The following CADM2 variants were observed in gnomAD, a reference collection of about 807,000 sequenced individuals.
CADM2 encodes cell adhesion molecule 2, also known as immunoglobulin superfamily member 4D.
CADM2 carries 12 observed loss-of-function variants against 49.8 expected under a neutral mutation model. The observed-to-expected ratio is 0.24, with a 90% CI of 0.15 to 0.39. The LOEUF is 0.39. Ranked by LOEUF, CADM2 falls within the 10% of genes least tolerant of loss-of-function variation. The pLI is 1.00. For synonymous variants in CADM2, 214 were observed against 175.4 expected, an observed-to-expected ratio of 1.22 and a Z score of -1.74; for missense variants, 378 against 492.3, an observed-to-expected ratio of 0.77 and a Z score of 2.20.
chr3:85,990,330 A>G (rs1038556221), intron 8 of CADM2, among the ~76,000 whole-genome samples: 1 of 152,170 alleles, frequency 6.6e-6, no homozygotes, highest in Non-Finnish European at 1.5e-5. Flanking sequence ...CTGTAGGCTA[A>G]TGTAAGTGTT....
At chr3:84,973,074 G>A (rs1415448507) in intron 1 of CADM2, among the ~76,000 whole-genome samples, 5 of 151,940 alleles carry the variant, frequency 3.3e-5, no homozygotes, top group Admixed American at 6.6e-5. Context: ...CCACCACGCC[G>A]GCTAAATTTT....
At chr3:85,374,358 C>T (rs942622269) in intron 1 of CADM2, among the ~76,000 whole-genome samples, 1 of 152,114 alleles carries the variant, frequency 6.6e-6, no homozygotes, top group African/African-American at 2.4e-5. Context: ...GTCACCTTTC[C>T]TGCAGTTCCC....
intron 2 of CADM2, among the ~76,000 whole-genome samples, chr3:85,762,603 C>CTT (rs1421975553): frequency 6.8e-5 from 8 of 116,914 alleles, no homozygotes; most frequent in Admixed American, 5.6e-4. Context: ...TCCTCTCTCT[C>CTT]TCTCTCTCTC....
intron 1 of CADM2, among the ~76,000 whole-genome samples, chr3:85,391,045 A>T (rs1397598192): frequency 6.6e-6 from 1 of 152,034 alleles, no homozygotes; most frequent in Non-Finnish European, 1.5e-5. Context: ...TGTACAGTTG[A>T]ACAAGGCTAG....
At chr3:85,575,482 C>T (rs1310992560) in intron 1 of CADM2, among the ~76,000 whole-genome samples, 1 of 152,086 alleles carries the variant, frequency 6.6e-6, no homozygotes, top group East Asian at 1.9e-4. Flanking sequence ...ACCCTGGAGG[C>T]GAAGCTTGCA....
rs145484504 is a variant in CADM2, at chr3:85,307,539, T to C, written c.61+347871T>C. ...AAACTCTAAGAATCCATTTTTACAA[T>C]AATTAAATAATTTCCAATGCTGCAA... On this transcript the variant is annotated intron_variant, in intron 1 of 9. Coordinates refer to ENST00000383699, the MANE Select transcript of CADM2 (RefSeq NM_001167675.2). Among the ~76,000 whole-genome samples the C allele has an allele frequency of 1.9e-3, 286 of 151,910 alleles. 1 individual carries two copies. Among genetic ancestry groups the C allele is most frequent in the African/African-American group, 6.3e-3 (263 of 41,548 alleles).
intron 8 of CADM2, among the ~76,000 whole-genome samples, chr3:86,023,218 A>T (rs973957173): frequency 3.3e-5 from 5 of 152,218 alleles, no homozygotes; most frequent in African/African-American, 1.2e-4. Flanking sequence ...TCCAATACGT[A>T]TAAACAAATG....
Position 85,377,567 on chromosome 3 carries a change from A to G in CADM2, c.62-348955A>G, listed in dbSNP as rs144672469. Among the ~76,000 whole-genome samples the G allele has an allele frequency of 5.3e-5, 8 of 152,202 alleles. No individual in the cohort carries two copies. In the East Asian group the frequency reaches 1.5e-3, roughly 29 times the overall value. The stretch of plus-strand genomic sequence containing the variant: ...GAAAACCATTAGTTTATCCATATTT[A>G]ATGTCAAAGTTGCCCAATGGAAACA... On this transcript the variant is annotated intron_variant, in intron 1 of 9. Transcript: ENST00000383699.
Position 84,959,527 on chromosome 3 carries a change from C to A in CADM2, c.-81C>A. 1 of 1,355,366 alleles carries A rather than the reference C, an allele frequency of 7.4e-7. No homozygotes were observed. Among genetic ancestry groups the A allele is most frequent in the Non-Finnish European group, 1.0e-6 (1 of 985,414 alleles). 84.0% of individuals were successfully genotyped at this position (1,355,366 alleles called of 1,614,324 possible). A position where few individuals can be genotyped will look rare whatever the true frequency, so the allele number is the denominator to read the frequency against. The stretch of plus-strand genomic sequence containing the variant: ...GCGGGCGCCGGGAGGAGGACACCAG[C>A]GGAGCCCTGCACTCTCGTGCCCCGC... On this transcript the variant is annotated 5_prime_UTR_variant, in exon 1 of 10. Coordinates refer to ENST00000383699, the MANE Select transcript of CADM2 (RefSeq NM_001167675.2).
At chr3:85,968,170 C>A (rs1326917419) in intron 8 of CADM2, among the ~76,000 whole-genome samples, 1 of 151,580 alleles carries the variant, frequency 6.6e-6, no homozygotes, top group Non-Finnish European at 1.5e-5. Context: ...AAAACAGTAT[C>A]TTCTTTAATC....
At chr3:86,003,944 A>T (rs1041457425) in intron 8 of CADM2, among the ~76,000 whole-genome samples, 4 of 152,230 alleles carry the variant, frequency 2.6e-5, no homozygotes, top group Admixed American at 2.6e-4. Flanking sequence ...ATATCACAAT[A>T]GGACTTTTTT....
intron 1 of CADM2, among the ~76,000 whole-genome samples, chr3:85,564,108 A>G (rs12108027): frequency 0.015 from 2,327 of 152,128 alleles, 61 homozygotes; most frequent in African/African-American, 0.053. Context: ...TGGTTCTAAA[A>G]ATTTAGTCTT....
intron 1 of CADM2, among the ~76,000 whole-genome samples, chr3:85,485,654 C>T (rs1238100124): frequency 1.3e-5 from 2 of 151,964 alleles, no homozygotes; most frequent in Admixed American, 6.6e-5. Flanking sequence ...ACACTCTTGT[C>T]GACATAATTA....
rs140334675 is a variant in CADM2 at position 85,031,789 on chromosome 3, G to C, written c.61+72121G>C. ...CCCGCCTTGGCCTCCCAGAGTGCCG[G>C]GATTACAGACGTGAGCCACCACGCC... is the stretch of plus-strand genomic sequence containing the variant. On this transcript the variant is annotated intron_variant, in intron 1 of 9. Transcript: ENST00000383699. Among the ~76,000 whole-genome samples, 510 of 152,198 alleles carry C rather than the reference G, an allele frequency of 3.4e-3. 6 individuals carry two copies. Among genetic ancestry groups the C allele is most frequent in the African/African-American group, 0.012 (480 of 41,538 alleles).
chr3:85,777,225 T>A (rs1179498168), intron 2 of CADM2, among the ~76,000 whole-genome samples: 1 of 139,944 alleles, frequency 7.1e-6, no homozygotes, highest in Non-Finnish European at 1.6e-5. Flanking sequence ...ACAGAAAACA[T>A]TTGCTATGGT....
chr3:85,668,722 T>C (rs987293650), intron 1 of CADM2, among the ~76,000 whole-genome samples: 1 of 152,128 alleles, frequency 6.6e-6, no homozygotes, highest in Non-Finnish European at 1.5e-5. Flanking sequence ...TGTAAGTCCA[T>C]TAAACCTCTT....
intron 8 of CADM2, among the ~76,000 whole-genome samples, chr3:86,048,875 A>G (rs1231408019): frequency 1.3e-5 from 2 of 152,212 alleles, no homozygotes; most frequent in Admixed American, 6.5e-5. Flanking sequence ...ATAAGTGATC[A>G]ACAAAGGCAA....
At chr3:85,693,314 C>T (rs944661970) in intron 1 of CADM2, among the ~76,000 whole-genome samples, 1 of 151,968 alleles carries the variant, frequency 6.6e-6, no homozygotes, top group African/African-American at 2.4e-5. Context: ...GGCGTGGTGG[C>T]TCACGCCTGT....
At chr3:85,970,403 C>G (rs1350423968) in intron 8 of CADM2, among the ~76,000 whole-genome samples, 1 of 151,380 alleles carries the variant, frequency 6.6e-6, no homozygotes. Context: ...GATGCTTATT[C>G]ACAATTATTC....
Sources: allele counts gnomAD v4.1 joint callset (sites outside exome capture counted in the v4.1 genomes callset), GRCh38; gene constraint gnomAD v4.1.1; transcripts MANE v1.5; gene names NCBI Gene and HGNC (gene_info 2026-07-23, HGNC 2026-07-21).